The following PIM2 variants were observed in gnomAD, a reference collection of about 807,000 sequenced individuals.
The protein encoded by PIM2 is serine/threonine-protein kinase pim-2.
A neutral mutation model predicts 18.0 loss-of-function variants in PIM2; 3 were observed. The observed-to-expected ratio is 0.17, with a 90% CI of 0.08 to 0.43. PIM2 has a LOEUF of 0.43. PIM2 is among the 20% of genes least tolerant of loss of function. The pLI is 0.99. For missense variants in PIM2, 181 were observed against 260.8 expected, an observed-to-expected ratio of 0.69 and a Z score of 2.11; for synonymous variants, 117 against 105.3, an observed-to-expected ratio of 1.11 and a Z score of -0.68.
At chrX:48,915,617 G>A (rs961323439) in intron 3 of PIM2, 40 of 386,100 alleles carry the variant, frequency 1.0e-4, no homozygotes, top group Non-Finnish European at 6.2e-5. Context: ...CTCGCATGTC[G>A]TAGATCAATA....
Position 48,918,803 on chromosome X carries a change from G to GCGGGAGGCC in PIM2, c.23_31dup (p.Gly8_Pro10dup), listed in dbSNP as rs1970053436. 3.3e-6 allele frequency: 4 copies of GCGGGAGGCC among 1,195,319 alleles called. No homozygotes were observed. Among genetic ancestry groups the GCGGGAGGCC allele is most frequent in the Non-Finnish European group, 4.5e-6 (4 of 890,163 alleles). On this transcript the variant is annotated inframe_insertion, in exon 1 of 6. Transcript: ENST00000376509. The stretch of plus-strand genomic sequence containing the variant: ...CGGCGGCGTGGGGGTCCCGGGGGGC[G>GCGGGAGGCC]CGGGAGGCCCCTGTAGAGGCTTGGT...
At position 48,918,734 on chromosome X, in the gene PIM2, G is replaced by A. The variant is rs966750827; in HGVS notation, c.61+40C>T. ...CCCCGCGCTGCAACCCATCATTCCA[G>A]CCCACCCCGTCTGGTTGCAGTAGGG... On this transcript the variant is annotated intron_variant, in intron 1 of 5. Coordinates refer to ENST00000376509, the MANE Select transcript of PIM2 (RefSeq NM_006875.4). 7 of 1,164,043 alleles carry A rather than the reference G, an allele frequency of 6.0e-6. No homozygotes were observed. The African/African-American group carries it at 7.2e-5, about 12-fold the overall frequency.
At position 48,914,589 on chromosome X, in the gene PIM2, G is replaced by A; in HGVS notation, c.596-18C>T. On this transcript the variant is annotated intron_variant, in intron 4 of 5. Coordinates refer to ENST00000376509, the MANE Select transcript of PIM2 (RefSeq NM_006875.4). The stretch of plus-strand genomic sequence containing the variant: ...CCTTGTCCCTGCACACAAGCCAGGG[G>A]TTAGACCAACTCAATCTCATGATGC... 2 of 1,186,715 alleles carry A rather than the reference G, an allele frequency of 1.7e-6. No homozygotes were observed. Among genetic ancestry groups the A allele is most frequent in the Non-Finnish European group, 2.3e-6 (2 of 879,726 alleles).
chrX:48,913,947 G>T lies in PIM2; in HGVS notation c.*184C>A. 1 of 376,103 alleles carries T rather than the reference G, an allele frequency of 2.7e-6. No individual in the cohort carries two copies. The highest frequency in any genetic ancestry group is 4.6e-6 in the Non-Finnish European group (1 of 217,819). 31.0% of individuals were successfully genotyped at this position (376,103 alleles called of 1,213,427 possible). ...AGGCTCCTTTGTAGGATTGGGAAGG[G>T]AACTGGGCAGACTTGGTTTATGTCT... On this transcript the variant is annotated 3_prime_UTR_variant, in exon 6 of 6. Coordinates refer to ENST00000376509, the MANE Select transcript of PIM2 (RefSeq NM_006875.4).
chrX:48,914,632 C>T (rs782271264), intron 4 of PIM2, 61 bp from the exon 5 acceptor site: 6 of 1,029,843 alleles, frequency 5.8e-6, no homozygotes, highest in East Asian at 3.2e-5. Flanking sequence ...CAACCCCAAA[C>T]TCTCCAGGAA....
Position 48,914,109 on chromosome X carries a change from G to A in PIM2, c.*22C>T. The A allele has an allele frequency of 1.0e-6, 1 of 969,852 alleles. No homozygotes were observed. Among genetic ancestry groups the A allele is most frequent in the Non-Finnish European group, 1.4e-6 (1 of 719,911 alleles). 79.9% of individuals were successfully genotyped at this position (969,852 alleles called of 1,213,427 possible). ...GGGATGGCTCTTCTGACCATTGGGG[G>A]CCAGGCCAGGCCAGGCCAGGCTTAG... On this transcript the variant is annotated 3_prime_UTR_variant, in exon 6 of 6. Transcript: ENST00000376509.
At chrX:48,918,742 C>T (rs782439008) in intron 1 of PIM2, 32 bp downstream of exon 1, 10 of 1,174,106 alleles carry the variant, frequency 8.5e-6, no homozygotes, top group Non-Finnish European at 1.2e-5. Context: ...CAGCCCACCC[C>T]GTCTGGTTGC....
rs1287550266 is a variant in PIM2, at chrX:48,913,223, A to G, written c.*908T>C. 1.8e-5 allele frequency: 2 copies of G among 111,266 alleles called. No homozygotes were observed. The highest frequency in any genetic ancestry group is 3.8e-4 in the South Asian group (1 of 2,642). The allele number at this position is 111,266 out of a possible 1,213,427, so 9.2% of individuals were successfully genotyped here. On this transcript the variant is annotated 3_prime_UTR_variant, in exon 6 of 6. Transcript: ENST00000376509. ...TTTATTAAATAGTGGGTTTCCACAC[A>G]TGGCTTTTTAAATAATCCAGGCAGG...
chrX:48,914,103 T>G lies in PIM2; in HGVS notation c.*28A>C. ...GGCCATGGGATGGCTCTTCTGACCA[T>G]TGGGGGCCAGGCCAGGCCAGGCCAG... On this transcript the variant is annotated 3_prime_UTR_variant, in exon 6 of 6. Coordinates refer to ENST00000376509, the MANE Select transcript of PIM2 (RefSeq NM_006875.4). 1.5e-5 allele frequency: 14 copies of G among 952,689 alleles called. No homozygotes were observed. Among genetic ancestry groups the G allele is most frequent in the Non-Finnish European group, 2.0e-5 (14 of 702,775 alleles). 78.5% of individuals were successfully genotyped at this position (952,689 alleles called of 1,213,427 possible).
At chrX:48,915,792 A>G (rs1428181463) in intron 3 of PIM2, 1 of 129,826 alleles carries the variant, frequency 7.7e-6, no homozygotes, top group African/African-American at 3.2e-5. Context: ...GGTGGCATGC[A>G]CCTGTAGTCC....
chrX:48,917,373 TGCGCAG>T (rs1557045366), intron 3 of PIM2, among the ~76,000 whole-genome samples: 2 of 111,509 alleles, frequency 1.8e-5, no homozygotes, highest in Non-Finnish European at 3.8e-5. Context: ...TCCCATGGAC[TGCGCAG>T]GCGCAGTTTC....
rs1284546815 is a variant in PIM2, at chrX:48,913,792, G to A, written c.*339C>T. 5.7e-6 allele frequency: 1 copy of A among 176,244 alleles called. No homozygotes were observed. Among genetic ancestry groups the A allele is most frequent in the Non-Finnish European group, 1.0e-5 (1 of 97,052 alleles). 14.5% of individuals were successfully genotyped at this position (176,244 alleles called of 1,213,427 possible). ...GTGGTAGTAGGAGGTGCCAATGTGGGGTGACACATCATCAGAATAAGAGTC... is the reference window on the plus strand; with the variant it reads ...GTGGTAGTAGGAGGTGCCAATGTGGAGTGACACATCATCAGAATAAGAGTC... On this transcript the variant is annotated 3_prime_UTR_variant, in exon 6 of 6. Transcript: ENST00000376509.
intron 3 of PIM2, among the ~76,000 whole-genome samples, chrX:48,916,829 C>T (rs1351093938): frequency 9.3e-6 from 1 of 107,313 alleles, no homozygotes; most frequent in Non-Finnish European, 1.9e-5. Flanking sequence ...GCCCAGGCAG[C>T]AGAGCGAAAC....
At chrX:48,915,956 C>G (rs1352682606) in intron 3 of PIM2, among the ~76,000 whole-genome samples, 2 of 112,581 alleles carry the variant, frequency 1.8e-5, no homozygotes, top group Non-Finnish European at 3.7e-5. Context: ...TCAGCAGAAG[C>G]AGCACCACCA....
rs782115237 is a variant in PIM2, at chrX:48,914,150, G to C, written c.917C>G (p.Ala306Gly). 7.0e-6 allele frequency: 8 copies of C among 1,139,978 alleles called. No homozygotes were observed. In the African/African-American group the frequency reaches 1.3e-4, roughly 18 times the overall value. 93.9% of individuals were successfully genotyped at this position (1,139,978 alleles called of 1,213,427 possible). The change falls in exon 6 of 6, where the codon GCC becomes GGC. Residue 306 changes from alanine (A) to glycine (G), a missense_variant. Physicochemically the swap from Ala to Gly is moderately conservative, Grantham distance 60 (BLOSUM62 0). Coordinates refer to ENST00000376509, the MANE Select transcript of PIM2 (RefSeq NM_006875.4). ...NPSKGGPAPL[A>G]WSLLP ...CCAGGCTTAGGGTAGCAAGGACCAG[G>C]CCAAAGGGGCAGGGCCTCCTTTGGA... is the stretch of plus-strand genomic sequence containing the variant.
intron 1 of PIM2, 25 bp from the exon 2 acceptor site, chrX:48,918,670 C>G: frequency 8.7e-7 from 1 of 1,152,683 alleles, no homozygotes; most frequent in Non-Finnish European, 1.2e-6. Flanking sequence ...GCGAGGAAGT[C>G]AGGGTGGCGG....
At chrX:48,916,909 C>CT (rs2063564374) in intron 3 of PIM2, among the ~76,000 whole-genome samples, 1 of 109,983 alleles carries the variant, frequency 9.1e-6, no homozygotes, top group African/African-American at 3.3e-5. Flanking sequence ...AATCCCAGCA[C>CT]TTTGAGTGGC....
intron 3 of PIM2, among the ~76,000 whole-genome samples, chrX:48,916,929 CG>C (rs2147507704): frequency 9.1e-6 from 1 of 109,321 alleles, no homozygotes; most frequent in East Asian, 2.9e-4. Flanking sequence ...CCGAGGCAGG[CG>C]GATCACCTGA....
intron 3 of PIM2, 179 bp from the exon 4 acceptor site, chrX:48,915,571 T>G (rs1358176263): frequency 1.8e-5 from 8 of 438,949 alleles, no homozygotes; most frequent in Non-Finnish European, 3.1e-5. Context: ...CACACAGCGA[T>G]TGAGAGGGTG....
Sources: allele counts gnomAD v4.1 joint callset (sites outside exome capture counted in the v4.1 genomes callset), GRCh38; gene constraint gnomAD v4.1.1; transcripts MANE v1.5; gene names NCBI Gene and HGNC (gene_info 2026-07-23, HGNC 2026-07-21).